Variants in GPBP1 observed in about 807,000 individuals in gnomAD.
The protein encoded by GPBP1 is vasculin.
In GPBP1, 13 loss-of-function variants were observed where a neutral mutation model predicts 56.5. The ratio of observed to expected loss-of-function variants is 0.23; its 90% CI spans 0.15 to 0.37. The LOEUF is 0.37. GPBP1 is among the 10% of genes least tolerant of loss of function. GPBP1 has a pLI of 1.00. For missense variants in GPBP1, 477 were observed against 572.3 expected (o/e 0.83, Z 1.70); for synonymous variants, 204 against 188.9 (o/e 1.08, Z -0.66).
At chr5:57,238,565 T>A (rs13189573) in intron 6 of GPBP1, among the ~76,000 whole-genome samples, 65,361 of 151,376 alleles carry the variant, frequency 0.43, 14,672 homozygotes, top group African/African-American at 0.56. Context: ...TCTCAAAAAA[T>A]AAATAAATAA....
chr5:57,231,338 T>G lies in GPBP1; in HGVS notation c.411+17T>G. 2 of 1,586,114 alleles carry G rather than the reference T, an allele frequency of 1.3e-6. No individual in the cohort carries two copies. The highest frequency in any genetic ancestry group is 1.7e-6 in the Non-Finnish European group (2 of 1,159,406). Reference sequence around the variant, plus strand: ...GAGGATTTTGTAAGTTTTTTATGACTTTTATACAAATGAAGTTTCTGTAAG... The same window carrying G: ...GAGGATTTTGTAAGTTTTTTATGACGTTTATACAAATGAAGTTTCTGTAAG... On this transcript the variant is annotated intron_variant, in intron 5 of 11. Transcript: ENST00000506184.
intron 2 of GPBP1, among the ~76,000 whole-genome samples, chr5:57,212,664 C>CTT (rs891361192): frequency 6.8e-6 from 1 of 147,718 alleles, no homozygotes; most frequent in African/African-American, 2.5e-5. Context: ...TTTTCTTTTT[C>CTT]TTTTTTTCTT....
At chr5:57,192,765 A>AAAAG (rs1312987007) in intron 2 of GPBP1, among the ~76,000 whole-genome samples, 1 of 151,692 alleles carries the variant, frequency 6.6e-6, no homozygotes, top group African/African-American at 2.4e-5. Context: ...AAAAAAAAAA[A>AAAAG]AAAAAAAAAT....
chr5:57,252,195 C>T (rs1021895429), intron 10 of GPBP1, among the ~76,000 whole-genome samples: 2 of 135,838 alleles, frequency 1.5e-5, no homozygotes, highest in Non-Finnish European at 3.1e-5. Flanking sequence ...AGACTGGTCT[C>T]AAGTGATCCT....
chr5:57,178,308 C>T (rs1476624110), intron 2 of GPBP1, among the ~76,000 whole-genome samples: 3 of 152,086 alleles, frequency 2.0e-5, no homozygotes, highest in African/African-American at 2.4e-5. Flanking sequence ...AGTGCAGTGG[C>T]GCAGTCTCGG....
At chr5:57,206,921 G>A (rs911420123) in intron 2 of GPBP1, among the ~76,000 whole-genome samples, 2 of 152,068 alleles carry the variant, frequency 1.3e-5, no homozygotes, top group Non-Finnish European at 2.9e-5. Context: ...CCTGGGCAAC[G>A]TAGACCCCAT....
At chr5:57,238,922 GT>G (rs1740674875) in intron 6 of GPBP1, among the ~76,000 whole-genome samples, 1 of 152,154 alleles carries the variant, frequency 6.6e-6, no homozygotes, top group African/African-American at 2.4e-5. Context: ...TAAATGGATT[GT>G]TTTCTAGAGA....
Position 57,241,742 on chromosome 5 carries a change from C to G in GPBP1, c.479-4558C>G, listed in dbSNP as rs59869399. Among the ~76,000 whole-genome samples, 669 of 152,260 alleles carry G rather than the reference C, an allele frequency of 4.4e-3. 4 individuals carry two copies. The highest frequency in any genetic ancestry group is 0.015 in the African/African-American group (616 of 41,544). ...GCACATGAAACTTATAGAAGATAGT[C>G]ACTTACTTTCTCATTTTATATAGGT... On this transcript the variant is annotated intron_variant, in intron 6 of 11. Coordinates refer to ENST00000506184, the MANE Select transcript of GPBP1 (RefSeq NM_022913.4).
At chr5:57,252,166 A>G (rs554044055) in intron 10 of GPBP1, among the ~76,000 whole-genome samples, 10 of 114,348 alleles carry the variant, frequency 8.7e-5, no homozygotes, top group African/African-American at 3.1e-4. Flanking sequence ...TTTTGAGATG[A>G]GGTCTTTCTG....
chr5:57,180,944 G>T (rs902119823), intron 2 of GPBP1, among the ~76,000 whole-genome samples: 2 of 152,202 alleles, frequency 1.3e-5, no homozygotes, highest in African/African-American at 2.4e-5. Context: ...GTTTCCCCAT[G>T]TTGGTCAGGC....
At chr5:57,219,919 G>A (rs1186473316) in intron 3 of GPBP1, among the ~76,000 whole-genome samples, 2 of 151,874 alleles carry the variant, frequency 1.3e-5, no homozygotes, top group Non-Finnish European at 2.9e-5. Flanking sequence ...GGGCTTGGTG[G>A]CGCGTGCCTG....
intron 10 of GPBP1, among the ~76,000 whole-genome samples, chr5:57,252,125 A>ACCCACCCCCACC (rs1185397998): frequency 1.7e-5 from 1 of 57,534 alleles, no homozygotes; most frequent in Non-Finnish European, 3.6e-5. Flanking sequence ...ATCACCTCCC[A>ACCCACCCCCACC]CCCACCCCCA....
intron 2 of GPBP1, among the ~76,000 whole-genome samples, chr5:57,198,938 A>C (rs559249935): frequency 8.2e-4 from 125 of 152,332 alleles, no homozygotes; most frequent in Middle Eastern, 3.4e-3. Flanking sequence ...TATGCTTAAA[A>C]GTATTTTGTT....
At chr5:57,200,249 A>G (rs1300491116) in intron 2 of GPBP1, among the ~76,000 whole-genome samples, 1 of 150,858 alleles carries the variant, frequency 6.6e-6, no homozygotes, top group Admixed American at 6.6e-5. Flanking sequence ...AAACGGTGAT[A>G]AATTCCATGT....
At chr5:57,246,197 T>TAAAAA in intron 6 of GPBP1, 103 bp from the exon 7 acceptor site, 1 of 686,592 alleles carries the variant, frequency 1.5e-6, no homozygotes, top group African/African-American at 1.8e-5. Flanking sequence ...AGCTGTTAGT[T>TAAAAA]AAAAAAAAAA....
intron 2 of GPBP1, among the ~76,000 whole-genome samples, chr5:57,211,096 C>T (rs900798781): frequency 2.0e-5 from 3 of 151,340 alleles, no homozygotes; most frequent in African/African-American, 7.3e-5. Context: ...TGGTGTGGAA[C>T]TTGTGAAACT....
intron 10 of GPBP1, among the ~76,000 whole-genome samples, chr5:57,252,642 C>A (rs1348885627): frequency 6.6e-6 from 1 of 152,142 alleles, no homozygotes; most frequent in Non-Finnish European, 1.5e-5. Flanking sequence ...ATCCTCCCGT[C>A]TCGCCCTCCC....
chr5:57,212,692 G>A (rs1207519786), intron 2 of GPBP1, among the ~76,000 whole-genome samples: 1 of 140,110 alleles, frequency 7.1e-6, no homozygotes, highest in Admixed American at 7.2e-5. Flanking sequence ...TTTTTGAGAC[G>A]GAGTTTTGCT....
At chr5:57,230,009 A>G (rs941064451) in intron 3 of GPBP1, among the ~76,000 whole-genome samples, 4 of 132,140 alleles carry the variant, frequency 3.0e-5, no homozygotes, top group African/African-American at 1.2e-4. Flanking sequence ...GTTCACTGCA[A>G]CCTCCCCGCC....
Sources: allele counts gnomAD v4.1 joint callset (sites outside exome capture counted in the v4.1 genomes callset), GRCh38; gene constraint gnomAD v4.1.1; transcripts MANE v1.5; gene names NCBI Gene and HGNC (gene_info 2026-07-23, HGNC 2026-07-21).